Variants in PCDHGA1 observed in about 807,000 individuals in gnomAD.
The protein encoded by PCDHGA1 is protocadherin gamma subfamily A, 1, also known as protocadherin gamma-A1.
PCDHGA1 carries 32 observed loss-of-function variants against 58.0 expected under a neutral mutation model. The observed-to-expected ratio is 0.55, with a 90% confidence interval of 0.42 to 0.74. The LOEUF is 0.74. Ranked by LOEUF, PCDHGA1 falls within the 30% of genes least tolerant of loss-of-function variation. The pLI is 0.00. For missense variants in PCDHGA1, 1,205 were observed against 1,182.3 expected (o/e 1.02, Z -0.28); for synonymous variants, 498 against 501.1 (o/e 0.99, Z 0.08).
intron 2 of PCDHGA1, among the ~76,000 whole-genome samples, chr5:141,497,894 A>AG (rs1562181617): frequency 2.0e-5 from 3 of 152,186 alleles, no homozygotes; most frequent in Admixed American, 6.5e-5. Context: ...GATCTAGTCC[A>AG]GTAACTTCAA....
chr5:141,501,836 T>G (rs2099811283), intron 2 of PCDHGA1, among the ~76,000 whole-genome samples: 1 of 152,136 alleles, frequency 6.6e-6, no homozygotes, highest in Non-Finnish European at 1.5e-5. Context: ...CCCACCTGTT[T>G]GGCCCTCAAC....
chr5:141,423,782 C>T (rs1458189260), intron 1 of PCDHGA1: 9 of 1,243,226 alleles, frequency 7.2e-6, no homozygotes, highest in Non-Finnish European at 9.3e-6. Flanking sequence ...ATATTTAGTT[C>T]ATATATATTT....
intron 1 of PCDHGA1, among the ~76,000 whole-genome samples, chr5:141,438,119 A>G (rs2097930168): frequency 6.6e-6 from 1 of 152,220 alleles, no homozygotes; most frequent in Non-Finnish European, 1.5e-5. Flanking sequence ...ATGCATTCCT[A>G]AAATATTAAT....
At chr5:141,427,984 C>G (rs754620535) in intron 1 of PCDHGA1, 2 of 1,597,494 alleles carry the variant, frequency 1.3e-6, no homozygotes, top group South Asian at 2.2e-5. Flanking sequence ...GCGCTGGGGC[C>G]CGATGGCTCC....
chr5:141,364,576 C>A, intron 1 of PCDHGA1: 2 of 1,614,210 alleles, frequency 1.2e-6, no homozygotes, highest in East Asian at 4.5e-5. Context: ...CGCGAAGCGG[C>A]AGCTTGGTCA....
intron 1 of PCDHGA1, among the ~76,000 whole-genome samples, chr5:141,473,759 C>G (rs989399714): frequency 3.3e-5 from 5 of 152,158 alleles, no homozygotes; most frequent in African/African-American, 1.2e-4. Flanking sequence ...GGATACTATG[C>G]AAAGGATTTG....
chr5:141,467,295 C>T (rs2099141170), intron 1 of PCDHGA1, among the ~76,000 whole-genome samples: 1 of 152,114 alleles, frequency 6.6e-6, no homozygotes, highest in South Asian at 2.1e-4. Flanking sequence ...TCAAGTGATC[C>T]ACTCACCTCG....
chr5:141,351,441 C>G (rs768328873), intron 1 of PCDHGA1: 11 of 1,612,464 alleles, frequency 6.8e-6, no homozygotes, highest in Non-Finnish European at 8.5e-6. Flanking sequence ...GAATCCACCT[C>G]GAAGAATTAT....
chr5:141,345,272 A>G, intron 1 of PCDHGA1: 1 of 1,614,002 alleles, frequency 6.2e-7, no homozygotes, highest in African/African-American at 1.3e-5. Context: ...TGGACCGCGA[A>G]CAAATATCAG....
At chr5:141,373,897 C>G (rs1379272131) in intron 1 of PCDHGA1, 1 of 536,936 alleles carries the variant, frequency 1.9e-6, no homozygotes, top group Non-Finnish European at 3.1e-6. Context: ...ACTCAAGTTA[C>G]ATCCTCCAAC....
At chr5:141,425,457 T>G (rs936918643) in intron 1 of PCDHGA1, among the ~76,000 whole-genome samples, 6 of 152,318 alleles carry the variant, frequency 3.9e-5, no homozygotes, top group Admixed American at 6.5e-5. Flanking sequence ...ACCATCACAT[T>G]TCATGTTATT....
intron 1 of PCDHGA1, among the ~76,000 whole-genome samples, chr5:141,446,167 G>A (rs1357034077): frequency 6.6e-6 from 1 of 152,188 alleles, no homozygotes; most frequent in African/African-American, 2.4e-5. Flanking sequence ...ATTTCATGAG[G>A]GCAGGGGGTG....
At position 141,490,155 on chromosome 5, in the gene PCDHGA1, G is replaced by A. The variant is rs753981059; in HGVS notation, c.2422-4652G>A. On this transcript the variant is annotated intron_variant, in intron 1 of 3. Transcript: ENST00000517417. This position sits in a 1 kb window ranked among gnomAD's most constrained non-coding sequence, Gnocchi z 5.4. ...CTAGCAGTGGGGCAATCCATGTGTT[G>A]GGTCCCATAGACTTTGAGGAGTCAC... 2 of 1,614,214 alleles carry A rather than the reference G, an allele frequency of 1.2e-6. No individual in the cohort carries two copies. The highest frequency in any genetic ancestry group is 1.1e-5 in the South Asian group (1 of 91,086).
chr5:141,398,962 T>A lies in PCDHGA1; in HGVS notation c.2421+65857T>A, dbSNP rs568248356. ...CGAGGGCATCAACTCAGAAATTACT[T>A]ATTCCTTCTACAGAACCGGGCAAAT... On this transcript the variant is annotated intron_variant, in intron 1 of 3. Coordinates refer to ENST00000517417, the MANE Select transcript of PCDHGA1 (RefSeq NM_018912.3). The A allele has an allele frequency of 2.6e-5, 42 of 1,613,934 alleles. No individual in the cohort carries two copies. Among genetic ancestry groups the A allele is most frequent in the Middle Eastern group, 3.3e-4 (2 of 6,062 alleles).
At chr5:141,369,198 T>C (rs1466766598) in intron 1 of PCDHGA1, among the ~76,000 whole-genome samples, 1 of 152,172 alleles carries the variant, frequency 6.6e-6, no homozygotes, top group Non-Finnish European at 1.5e-5. Flanking sequence ...TATCAGATGG[T>C]AAACTGGGGA....
rs962326553 is a variant in PCDHGA1 at position 141,387,971 on chromosome 5, C to T, written c.2421+54866C>T. 1.0e-5 allele frequency: 15 copies of T among 1,489,894 alleles called. 1 individual carries two copies. Among genetic ancestry groups the T allele is most frequent in the Non-Finnish European group, 1.3e-5 (14 of 1,108,812 alleles). The allele number at this position is 1,489,894 out of a possible 1,614,324, so 92.3% of individuals were successfully genotyped here. ...TGCTGTCTTTGTTCTGCCCGGCGCT[C>T]TGTGAGCAGATCCGCTACAGGATTC... On this transcript the variant is annotated intron_variant, in intron 1 of 3. Transcript: ENST00000517417.
At chr5:141,419,315 C>T in intron 1 of PCDHGA1, 1 of 1,613,998 alleles carries the variant, frequency 6.2e-7, no homozygotes. Flanking sequence ...GCTCAACGGC[C>T]GTGTCTCCTA....
chr5:141,505,343 G>C (rs2099845454), intron 2 of PCDHGA1, 50 bp from the exon 3 acceptor site: 1 of 1,612,934 alleles, frequency 6.2e-7, no homozygotes, highest in Non-Finnish European at 8.5e-7. Context: ...GGAGGGGCAT[G>C]AGCTGTGCCG....
chr5:141,371,143 A>T (rs199674539), intron 1 of PCDHGA1: 4 of 1,613,904 alleles, frequency 2.5e-6, no homozygotes, highest in Non-Finnish European at 3.4e-6. Context: ...TACAGGGTCA[A>T]TGTTGCAGAG....
Sources: allele counts gnomAD v4.1 joint callset (sites outside exome capture counted in the v4.1 genomes callset), GRCh38; gene constraint gnomAD v4.1.1; non-coding constraint Gnocchi (gnomAD v3.1); transcripts MANE v1.5; gene names NCBI Gene and HGNC (gene_info 2026-07-23, HGNC 2026-07-21).